Variants in TBC1D24 observed in about 807,000 individuals in gnomAD.
The protein encoded by TBC1D24 is TBC1 domain family member 24, also known as Infantile myoclonic epilepsy.
TBC1D24 carries 47 observed loss-of-function variants against 50.7 expected under a neutral mutation model. That is an observed-to-expected ratio of 0.93 (90% CI 0.73 to 1.18). The LOEUF is 1.18. Ranked by LOEUF, TBC1D24 falls within the 50% of genes most tolerant of loss-of-function variation. The pLI is 0.00. For synonymous variants in TBC1D24, 324 were observed against 335.2 expected (o/e 0.97, Z 0.36); for missense variants, 688 against 766.5 (o/e 0.90, Z 1.21).
chr16:2,499,108 G>A lies in TBC1D24; in HGVS notation c.1143-249G>A, dbSNP rs949231090. Among the ~76,000 whole-genome samples the A allele has an allele frequency of 6.6e-6, 1 of 152,142 alleles. No individual in the cohort carries two copies. The highest frequency in any genetic ancestry group is 2.4e-5 in the African/African-American group (1 of 41,424). Reference sequence around the variant, plus strand: ...GGTTCCTGCTTCCCCAGCCCCTGGCGCTTGGCTCTGCACTGGGGCCTTCCA... The same window carrying A: ...GGTTCCTGCTTCCCCAGCCCCTGGCACTTGGCTCTGCACTGGGGCCTTCCA... On this transcript the variant is annotated intron_variant, in intron 4 of 7. Coordinates refer to ENST00000646147, the MANE Select transcript of TBC1D24 (RefSeq NM_001199107.2). This position sits in a 1 kb window ranked among gnomAD's most constrained non-coding sequence, Gnocchi z 4.0.
At position 2,475,369 on chromosome 16, in the gene TBC1D24, G is replaced by A. The variant is rs1226357923; in HGVS notation, c.-116+199G>A. Among the ~76,000 whole-genome samples, 1 of 151,680 alleles carries A rather than the reference G, an allele frequency of 6.6e-6. No individual in the cohort carries two copies. The highest frequency in any genetic ancestry group is 6.6e-5 in the Admixed American group (1 of 15,244). ...CGGCACCGCCCGGCGCTGCAGCTGC[G>A]GCTTGGCCTACGGGAGGGGGCGCAG... On this transcript the variant is annotated intron_variant, in intron 1 of 7. Transcript: ENST00000646147. This position sits in a 1 kb window ranked among gnomAD's most constrained non-coding sequence, Gnocchi z 4.2.
In TBC1D24 at chr16:2,501,212, G is replaced by T. The variant is rs2065791583; in HGVS notation, c.*254G>T. 1 of 575,232 alleles carries T rather than the reference G, an allele frequency of 1.7e-6. No homozygotes were observed. Among genetic ancestry groups the T allele is most frequent in the Non-Finnish European group, 3.1e-6 (1 of 321,618 alleles). 35.6% of individuals were successfully genotyped at this position (575,232 alleles called of 1,614,324 possible). ...GTGCCCCCAGCCCCACCCAGAGCTGGCATAGGAAGTACCTTCCTCCTCCGT... is the reference window on the plus strand; with the variant it reads ...GTGCCCCCAGCCCCACCCAGAGCTGTCATAGGAAGTACCTTCCTCCTCCGT... On this transcript the variant is annotated 3_prime_UTR_variant, in exon 8 of 8. Transcript: ENST00000646147.
chr16:2,483,855 C>T lies in TBC1D24; in HGVS notation c.-116+8685C>T, dbSNP rs142152452. The T allele has an allele frequency of 2.7e-3, 413 of 152,710 alleles. 1 individual carries two copies. The highest frequency in any genetic ancestry group is 4.2e-3 in the Non-Finnish European group (290 of 68,360). The allele number at this position is 152,710 out of a possible 1,614,324, so 9.5% of individuals were successfully genotyped here. Reference sequence around the variant, plus strand: ...AAGAAGGCAGGCTGGGAGCAGGGGCCGGGGGTAAAAGGCAGATAGCAAGGT... The same window carrying T: ...AAGAAGGCAGGCTGGGAGCAGGGGCTGGGGGTAAAAGGCAGATAGCAAGGT... On this transcript the variant is annotated intron_variant, in intron 1 of 7. Transcript: ENST00000646147. The surrounding 1 kb of genome is among the most constrained non-coding windows in gnomAD (Gnocchi z 4.0).
intron 1 of TBC1D24, among the ~76,000 whole-genome samples, chr16:2,489,934 G>A (rs553224288): frequency 1.1e-4 from 16 of 152,310 alleles, no homozygotes; most frequent in Non-Finnish European, 1.9e-4. Flanking sequence ...TATAATCCAC[G>A]GGGGCTTGTG....
chr16:2,493,998 C>T (rs2065717004), intron 1 of TBC1D24, among the ~76,000 whole-genome samples: 1 of 152,158 alleles, frequency 6.6e-6, no homozygotes, highest in Non-Finnish European at 1.5e-5. Context: ...CTCCCTGGAG[C>T]ACCTGCCTGA....
intron 1 of TBC1D24, among the ~76,000 whole-genome samples, chr16:2,489,387 G>A (rs1334167039): frequency 6.6e-6 from 1 of 152,128 alleles, no homozygotes; most frequent in African/African-American, 2.4e-5. Context: ...AGCCGAGATC[G>A]CGCCACTGCA....
At chr16:2,493,780 T>G (rs2065715673) in intron 1 of TBC1D24, 1 of 152,384 alleles carries the variant, frequency 6.6e-6, no homozygotes. Context: ...GGCAGCCACC[T>G]GTTGTCCAGA....
chr16:2,497,607 T>A, intron 2 of TBC1D24, 103 bp from the exon 3 acceptor site: 1 of 1,216,132 alleles, frequency 8.2e-7, no homozygotes, highest in Non-Finnish European at 1.2e-6. Context: ...CCCTCTTTCT[T>A]CTGGGCCAGC....
rs1041668652 is a variant in TBC1D24 at position 2,475,543 on chromosome 16, G to A, written c.-116+373G>A. Among the ~76,000 whole-genome samples, 1 of 152,158 alleles carries A rather than the reference G, an allele frequency of 6.6e-6. No homozygotes were observed. Among genetic ancestry groups the A allele is most frequent in the East Asian group, 1.9e-4 (1 of 5,154 alleles). Reference sequence around the variant, plus strand: ...CCGCAGGGTCGGAAATCCTCTTGGGGGCTCGGTGAGATTGCAACAGATTCT... The same window carrying A: ...CCGCAGGGTCGGAAATCCTCTTGGGAGCTCGGTGAGATTGCAACAGATTCT... On this transcript the variant is annotated intron_variant, in intron 1 of 7. Coordinates refer to ENST00000646147, the MANE Select transcript of TBC1D24 (RefSeq NM_001199107.2). This position sits in a 1 kb window ranked among gnomAD's most constrained non-coding sequence, Gnocchi z 4.2.
intron 4 of TBC1D24, 74 bp downstream of exon 4, chr16:2,498,470 G>A: frequency 3.5e-6 from 5 of 1,442,442 alleles, no homozygotes; most frequent in Non-Finnish European, 3.8e-6. Flanking sequence ...GCTGGAAATG[G>A]GCCTCAAACC....
rs988384408 is a variant in TBC1D24, at chr16:2,486,128, C to T, written c.-115-9906C>T. Among the ~76,000 whole-genome samples, 7 of 152,230 alleles carry T rather than the reference C, an allele frequency of 4.6e-5. No homozygotes were observed. The highest frequency in any genetic ancestry group is 1.7e-4 in the African/African-American group (7 of 41,462). On this transcript the variant is annotated intron_variant, in intron 1 of 7. Coordinates refer to ENST00000646147, the MANE Select transcript of TBC1D24 (RefSeq NM_001199107.2). This position sits in a 1 kb window ranked among gnomAD's most constrained non-coding sequence, Gnocchi z 5.8. ...CCAGGTTTCCTCTGTATCCCCGCAG[C>T]ACTTGGCAAGGTCCAGGGGCTTCCG... is the stretch of plus-strand genomic sequence containing the variant.
In TBC1D24 at chr16:2,503,744, G is replaced by C. The variant is rs2065812833; in HGVS notation, c.*2786G>C. 3 of 151,988 alleles carry C rather than the reference G, an allele frequency of 2.0e-5. No homozygotes were observed. The South Asian group carries it at 6.2e-4, about 32-fold the overall frequency. 9.4% of individuals were successfully genotyped at this position (151,988 alleles called of 1,614,324 possible). A position where few individuals can be genotyped will look rare whatever the true frequency, so the allele number is the denominator to read the frequency against. Reference sequence around the variant, plus strand: ...CTAAATTTTTTTTGTATTTTTAGTAGAGGCAGGGTTTCACTGTGTTGGTCA... The same window carrying C: ...CTAAATTTTTTTTGTATTTTTAGTACAGGCAGGGTTTCACTGTGTTGGTCA... On this transcript the variant is annotated 3_prime_UTR_variant, in exon 8 of 8. Coordinates refer to ENST00000646147, the MANE Select transcript of TBC1D24 (RefSeq NM_001199107.2).
rs398122966 is a variant in TBC1D24 at position 2,496,266 on chromosome 16, C to G, written c.118C>G (p.Arg40Gly). 2 of 1,613,780 alleles carry G rather than the reference C, an allele frequency of 1.2e-6. No individual in the cohort carries two copies. The highest frequency in any genetic ancestry group is 8.5e-7 in the Non-Finnish European group (1 of 1,180,032). Reference protein sequence around the residue: ...TELQELKQLARQGYWAQSHAL... With the variant: ...TELQELKQLAGQGYWAQSHAL... ...ACTGCAGGAACTGAAGCAGCTGGCG[C>G]GCCAGGGCTACTGGGCCCAAAGCCA... The change falls in exon 2 of 8, where the codon CGC becomes GGC. Residue 40 changes from arginine (R) to glycine (G), a missense_variant. By Grantham distance (125) the Arg-to-Gly change is moderately radical. Coordinates refer to ENST00000646147, the MANE Select transcript of TBC1D24 (RefSeq NM_001199107.2).
At position 2,500,989 on chromosome 16, in the gene TBC1D24, G is replaced by A. The variant is rs1310690693; in HGVS notation, c.*31G>A. On this transcript the variant is annotated 3_prime_UTR_variant, in exon 8 of 8. Coordinates refer to ENST00000646147, the MANE Select transcript of TBC1D24 (RefSeq NM_001199107.2). The surrounding 1 kb of genome is among the most constrained non-coding windows in gnomAD (Gnocchi z 8.0). ...TGTGCCACGGTGACTGAGCCGTGGTGGGGCGGTGGGCCGAGGCTGGGCTGC... is the reference window on the plus strand; with the variant it reads ...TGTGCCACGGTGACTGAGCCGTGGTAGGGCGGTGGGCCGAGGCTGGGCTGC... The A allele has an allele frequency of 6.2e-7, 1 of 1,604,720 alleles. No homozygotes were observed. The highest frequency in any genetic ancestry group is 8.5e-7 in the Non-Finnish European group (1 of 1,179,600).
At chr16:2,488,856 C>G (rs1208942909) in intron 1 of TBC1D24, among the ~76,000 whole-genome samples, 19 of 138,590 alleles carry the variant, frequency 1.4e-4, no homozygotes, top group Admixed American at 5.9e-4. Flanking sequence ...GTCAGGAGAT[C>G]GAGACCATCC....
At chr16:2,498,065 G>A (rs1387744188) in intron 3 of TBC1D24, among the ~76,000 whole-genome samples, 173 bp from the exon 4 acceptor site, 1 of 152,324 alleles carries the variant, frequency 6.6e-6, no homozygotes, top group East Asian at 1.9e-4. Flanking sequence ...TGGGGCTCCT[G>A]GGAACTTTCT....
chr16:2,483,680 G>C lies in TBC1D24; in HGVS notation c.-116+8510G>C, dbSNP rs915538501. On this transcript the variant is annotated intron_variant, in intron 1 of 7. Transcript: ENST00000646147. The surrounding 1 kb of genome is among the most constrained non-coding windows in gnomAD (Gnocchi z 4.0). ...TGAACTTGGCCCTCAAGGGAGGGCA[G>C]CACAGAGAGGAAGGCCCTGAGCTGG... 1 of 152,592 alleles carries C rather than the reference G, an allele frequency of 6.6e-6. No individual in the cohort carries two copies. Among genetic ancestry groups the C allele is most frequent in the Non-Finnish European group, 1.5e-5 (1 of 68,328 alleles). The allele number at this position is 152,592 out of a possible 1,614,324, so 9.5% of individuals were successfully genotyped here.
chr16:2,492,506 C>G (rs936744010), intron 1 of TBC1D24, among the ~76,000 whole-genome samples: 4 of 152,162 alleles, frequency 2.6e-5, no homozygotes, highest in Non-Finnish European at 5.9e-5. Context: ...TAAGAAGGAG[C>G]CAGTTCTTTC....
rs372995761 is a variant in TBC1D24 at position 2,500,903 on chromosome 16, A to G, written c.1625A>G (p.Asn542Ser). ...TFNNQPLCSENFLIAAVEAWG... is the reference protein window; with the variant it reads ...TFNNQPLCSESFLIAAVEAWG... ...AACAACCAGCCCCTCTGCTCCGAGAACTTCCTCATTGCTGCCGTGGAGGCC... is the reference window on the plus strand; with the variant it reads ...AACAACCAGCCCCTCTGCTCCGAGAGCTTCCTCATTGCTGCCGTGGAGGCC... Residue 542 changes from asparagine to serine, a missense_variant, in exon 8 of 8, where the codon AAC becomes AGC. Coordinates refer to ENST00000646147, the MANE Select transcript of TBC1D24 (RefSeq NM_001199107.2). This position sits in a 1 kb window ranked among gnomAD's most constrained non-coding sequence, Gnocchi z 8.0. 1.2e-6 allele frequency: 2 copies of G among 1,613,142 alleles called. No individual in the cohort carries two copies. The highest frequency in any genetic ancestry group is 1.7e-6 in the Non-Finnish European group (2 of 1,179,950).
Sources: gnomAD v4.1 joint callset for allele counts (sites outside exome capture counted in the v4.1 genomes callset) on GRCh38, gnomAD v4.1.1 for gene constraint, Gnocchi (gnomAD v3.1) non-coding constraint, MANE v1.5 for transcripts, NCBI Gene and HGNC (gene_info 2026-07-23, HGNC 2026-07-21) for gene names.